Variants in IGSF11 observed in about 807,000 individuals in gnomAD.
IGSF11 encodes the protein CXADR like 1.
IGSF11 carries 22 observed loss-of-function variants against 41.0 expected under a neutral mutation model. The ratio of observed to expected loss-of-function variants is 0.54; its 90% CI spans 0.38 to 0.77. The LOEUF is 0.77. Among genes scored for constraint, IGSF11 ranks in the 30% least tolerant of loss-of-function variants. The pLI is 0.00. For missense variants in IGSF11, 444 were observed against 530.8 expected, an observed-to-expected ratio of 0.84 and a Z score of 1.61; for synonymous variants, 219 against 201.3, an observed-to-expected ratio of 1.09 and a Z score of -0.74.
At chr3:118,995,928 G>A (rs1312405100) in intron 1 of IGSF11, among the ~76,000 whole-genome samples, 6 of 152,208 alleles carry the variant, frequency 3.9e-5, no homozygotes, top group African/African-American at 1.2e-4. Context: ...GATGACAGGC[G>A]TGAGCCACTG....
intron 1 of IGSF11, among the ~76,000 whole-genome samples, chr3:118,941,046 C>A (rs1299658117): frequency 6.6e-6 from 1 of 151,790 alleles, no homozygotes; most frequent in Non-Finnish European, 1.5e-5. Flanking sequence ...CTCTATGACT[C>A]TGGGTTAGAA....
At chr3:118,942,325 C>A (rs573179673) in intron 1 of IGSF11, among the ~76,000 whole-genome samples, 1 of 152,150 alleles carries the variant, frequency 6.6e-6, no homozygotes, top group Non-Finnish European at 1.5e-5. Context: ...AACTTTACTG[C>A]AACTACGAAT....
chr3:119,066,938 C>A (rs920079106), intron 1 of IGSF11, among the ~76,000 whole-genome samples: 3 of 152,150 alleles, frequency 2.0e-5, no homozygotes, highest in Admixed American at 1.3e-4. Flanking sequence ...ACCATTTTAT[C>A]TATGAGTCCA....
chr3:119,126,586 T>A (rs1292657719), intron 1 of IGSF11, among the ~76,000 whole-genome samples: 1 of 152,036 alleles, frequency 6.6e-6, no homozygotes, highest in Non-Finnish European at 1.5e-5. Context: ...CCAACAGGGG[T>A]TGTCAGATAC....
chr3:119,013,005 C>T (rs2107697491), intron 1 of IGSF11: 1 of 152,422 alleles, frequency 6.6e-6, no homozygotes, highest in Non-Finnish European at 1.5e-5. Context: ...TAAACCCTAC[C>T]CTACTCTCCA....
At chr3:118,995,079 T>C (rs1313866887) in intron 1 of IGSF11, among the ~76,000 whole-genome samples, 1 of 152,218 alleles carries the variant, frequency 6.6e-6, no homozygotes, top group Non-Finnish European at 1.5e-5. Context: ...ATGCATATGC[T>C]ACAAATTTCA....
At chr3:118,928,784 T>A in intron 2 of IGSF11, 68 bp from the exon 3 acceptor site, 2 of 1,161,682 alleles carry the variant, frequency 1.7e-6, no homozygotes, top group Non-Finnish European at 2.5e-6. Flanking sequence ...CAATAACTAT[T>A]TGGTAGACAG....
At chr3:119,079,593 T>C (rs187616114) in intron 1 of IGSF11, among the ~76,000 whole-genome samples, 3 of 152,286 alleles carry the variant, frequency 2.0e-5, no homozygotes, top group African/African-American at 4.8e-5. Flanking sequence ...TGTGTGTTCA[T>C]TGCAGCACTA....
intron 1 of IGSF11, among the ~76,000 whole-genome samples, chr3:119,132,719 C>T (rs999107468): frequency 6.6e-6 from 1 of 152,098 alleles, no homozygotes; most frequent in Admixed American, 6.6e-5. Flanking sequence ...CCAAGCAGAC[C>T]TAATAGACAT....
At chr3:118,952,789 G>A (rs2107585089) in intron 1 of IGSF11, among the ~76,000 whole-genome samples, 1 of 152,152 alleles carries the variant, frequency 6.6e-6, no homozygotes, top group South Asian at 2.1e-4. Context: ...GCACTTAAAG[G>A]AATTATATTA....
chr3:119,041,173 T>C (rs1240888110), intron 1 of IGSF11, among the ~76,000 whole-genome samples: 1 of 152,154 alleles, frequency 6.6e-6, no homozygotes, highest in Admixed American at 6.5e-5. Context: ...GTTTAACAAA[T>C]ATATAATACA....
intron 1 of IGSF11, among the ~76,000 whole-genome samples, chr3:118,958,320 C>T (rs1354538156): frequency 2.0e-5 from 3 of 152,120 alleles, no homozygotes; most frequent in African/African-American, 7.2e-5. Context: ...AAACTAGAAT[C>T]CAGAAACCAT....
intron 1 of IGSF11, among the ~76,000 whole-genome samples, chr3:119,058,792 C>A (rs984952989): frequency 1.3e-5 from 2 of 151,818 alleles, no homozygotes; most frequent in African/African-American, 4.8e-5. Flanking sequence ...TACTATGCAG[C>A]CATAAAAAAT....
chr3:118,929,377 T>C (rs1449065564), intron 2 of IGSF11, among the ~76,000 whole-genome samples: 2 of 152,188 alleles, frequency 1.3e-5, no homozygotes, highest in African/African-American at 4.8e-5. Flanking sequence ...GGAGTCTAAC[T>C]ACAAAAATTC....
At chr3:118,955,276 A>C (rs1176606814) in intron 1 of IGSF11, among the ~76,000 whole-genome samples, 1 of 151,734 alleles carries the variant, frequency 6.6e-6, no homozygotes, top group Non-Finnish European at 1.5e-5. Flanking sequence ...ACCATGGAAT[A>C]CTACTCAGCC....
At chr3:118,977,387 G>A (rs934247703) in intron 1 of IGSF11, among the ~76,000 whole-genome samples, 4 of 152,182 alleles carry the variant, frequency 2.6e-5, no homozygotes, top group African/African-American at 9.7e-5. Flanking sequence ...TCTGAGGCAT[G>A]TTCTAGTTTG....
intron 1 of IGSF11, among the ~76,000 whole-genome samples, chr3:119,022,582 G>A (rs796199075): frequency 1.3e-4 from 20 of 152,176 alleles, no homozygotes; most frequent in African/African-American, 4.6e-4. Flanking sequence ...ATTTGTAAAA[G>A]ACAATACCTA....
chr3:118,926,836 G>T (rs896360595), intron 3 of IGSF11, among the ~76,000 whole-genome samples: 1 of 151,932 alleles, frequency 6.6e-6, no homozygotes, highest in Non-Finnish European at 1.5e-5. Flanking sequence ...AAAAAACATG[G>T]AACAAAAATT....
chr3:119,110,992 A>T (rs1399465829), intron 1 of IGSF11, among the ~76,000 whole-genome samples: 1 of 151,790 alleles, frequency 6.6e-6, no homozygotes, highest in Non-Finnish European at 1.5e-5. Flanking sequence ...CTTTGTGGGT[A>T]ACCCGACCTT....
Sources: gnomAD v4.1 joint callset for allele counts (sites outside exome capture counted in the v4.1 genomes callset) on GRCh38, gnomAD v4.1.1 for gene constraint, MANE v1.5 for transcripts, NCBI Gene and HGNC (gene_info 2026-07-23, HGNC 2026-07-21) for gene names.